The following STAG1 variants were observed in gnomAD, a reference collection of about 807,000 sequenced individuals.
The protein encoded by STAG1 is cohesin subunit SA-1.
Under a neutral mutation model 170.9 loss-of-function variants are expected in STAG1, and 26 were observed. The ratio of observed to expected loss-of-function variants is 0.15; its 90% CI spans 0.11 to 0.21. The LOEUF is 0.21. STAG1 is among the 10% of genes least tolerant of loss of function. The pLI is 1.00. For synonymous variants in STAG1, 514 were observed against 497.7 expected (o/e 1.03, Z -0.44); for missense variants, 964 against 1,509.5 (o/e 0.64, Z 5.99).
intron 9 of STAG1, among the ~76,000 whole-genome samples, chr3:136,488,423 T>A (rs2090059250): frequency 6.6e-6 from 1 of 152,182 alleles, no homozygotes; most frequent in Admixed American, 6.5e-5. Context: ...GCCCCCAGCC[T>A]GAGATAAATA....
chr3:136,621,283 C>T (rs889195846), intron 3 of STAG1, among the ~76,000 whole-genome samples: 1 of 152,180 alleles, frequency 6.6e-6, no homozygotes, highest in African/African-American at 2.4e-5. Context: ...AGTACTTAAT[C>T]TGAATCCTGT....
chr3:136,527,361 A>T (rs1000810205), intron 6 of STAG1, among the ~76,000 whole-genome samples: 1 of 152,084 alleles, frequency 6.6e-6, no homozygotes, highest in Non-Finnish European at 1.5e-5. Flanking sequence ...AATCACCGAT[A>T]CCCTTTCTTC....
intron 16 of STAG1, among the ~76,000 whole-genome samples, chr3:136,425,873 T>C (rs944982273): frequency 6.6e-6 from 1 of 151,544 alleles, no homozygotes; most frequent in African/African-American, 2.4e-5. Context: ...GGATAGCATA[T>C]ACTTTAAAGA....
chr3:136,521,374 T>C lies in STAG1; in HGVS notation c.515A>G (p.Lys172Arg). Residue 172 changes from lysine to arginine, a missense_variant, in exon 7 of 34, where the codon AAA becomes AGA. This residue lies in a region of STAG1 where 40 missense variants were observed against 44.1 expected (regional missense o/e 0.91). Transcript: ENST00000383202. ...YPLTMPGPQW[K>R]KFRSNFCEFI... ...TTCACAAAAGTTTGAACGAAATTTT[T>C]TCCACTGAGGTCCAGGCATGGTAAG... 2 of 1,613,712 alleles carry C rather than the reference T, an allele frequency of 1.2e-6. No homozygotes were observed. The highest frequency in any genetic ancestry group is 2.2e-5 in the South Asian group (2 of 91,060).
intron 15 of STAG1, among the ~76,000 whole-genome samples, chr3:136,435,889 T>C (rs945446315): frequency 2.0e-5 from 3 of 151,818 alleles, no homozygotes; most frequent in Non-Finnish European, 2.9e-5. Context: ...ATGCTGGTCT[T>C]GAACCCCTGA....
chr3:136,376,802 T>A (rs1027094589), intron 23 of STAG1, among the ~76,000 whole-genome samples: 1 of 151,910 alleles, frequency 6.6e-6, no homozygotes, highest in African/African-American at 2.4e-5. Flanking sequence ...TTTTTTTTAA[T>A]CTTTTTTGAG....
At chr3:136,345,618 T>C (rs1260587130) in intron 29 of STAG1, among the ~76,000 whole-genome samples, 3 of 152,140 alleles carry the variant, frequency 2.0e-5, no homozygotes, top group Non-Finnish European at 4.4e-5. Flanking sequence ...TTCTAAATTA[T>C]TCTAATATGA....
rs572107773 is a variant in STAG1 at position 136,656,612 on chromosome 3, T to C, written c.-83-25631A>G. On this transcript the variant is annotated intron_variant, in intron 1 of 33. Transcript: ENST00000383202. ...TACAAATAAACGTGTGCTCTCTGTA[T>C]TTATTTGTGTGTGTGTGTGTGTGTG... Among the ~76,000 whole-genome samples the C allele has an allele frequency of 2.9e-5, 4 of 138,864 alleles. No individual in the cohort carries two copies. The East Asian group carries it at 7.8e-4, about 27-fold the overall frequency. The allele number at this position is 138,864 out of a possible 152,430, so 91.1% of individuals were successfully genotyped here. A position where few individuals can be genotyped will look rare whatever the true frequency, so the allele number is the denominator to read the frequency against.
At chr3:136,648,776 AATC>A (rs1250144160) in intron 1 of STAG1, among the ~76,000 whole-genome samples, 3 of 151,944 alleles carry the variant, frequency 2.0e-5, no homozygotes, top group African/African-American at 7.3e-5. Flanking sequence ...CTTTCTCTCT[AATC>A]TTATACTGTC....
chr3:136,403,917 C>T (rs1005913928), intron 21 of STAG1, among the ~76,000 whole-genome samples: 2 of 152,184 alleles, frequency 1.3e-5, no homozygotes, highest in African/African-American at 4.8e-5. Flanking sequence ...GACTCCACTG[C>T]ATTACCTTAA....
At chr3:136,559,256 G>A (rs1936746600) in intron 5 of STAG1, among the ~76,000 whole-genome samples, 1 of 152,076 alleles carries the variant, frequency 6.6e-6, no homozygotes, top group African/African-American at 2.4e-5. Flanking sequence ...AGCCATATAA[G>A]CACTTGTTAG....
At chr3:136,429,097 A>AT (rs1242807546) in intron 16 of STAG1, among the ~76,000 whole-genome samples, 1 of 152,100 alleles carries the variant, frequency 6.6e-6, no homozygotes, top group Admixed American at 6.6e-5. Flanking sequence ...AGATAGCATC[A>AT]TTGCACTCCA....
intron 7 of STAG1, among the ~76,000 whole-genome samples, chr3:136,509,475 G>A (rs1933942258): frequency 6.6e-6 from 1 of 152,034 alleles, no homozygotes; most frequent in South Asian, 2.1e-4. Flanking sequence ...AGGTATGGGA[G>A]AGATGGTTGT....
Position 136,474,931 on chromosome 3 carries a change from G to A in STAG1, c.1027-1294C>T, listed in dbSNP as rs115336557. Among the ~76,000 whole-genome samples, 535 of 151,956 alleles carry A rather than the reference G, an allele frequency of 3.5e-3. 6 individuals are homozygous for A. The highest frequency in any genetic ancestry group is 0.012 in the African/African-American group (506 of 41,424). On this transcript the variant is annotated intron_variant, in intron 10 of 33. Transcript: ENST00000383202. ...CTCTCCCAACCACTTCCCTTCTCTC[G>A]CCCAGGTTGAGGCCCATAGCCAGTA...
intron 10 of STAG1, among the ~76,000 whole-genome samples, chr3:136,476,594 T>C (rs1163244657): frequency 6.6e-6 from 1 of 152,118 alleles, no homozygotes; most frequent in Non-Finnish European, 1.5e-5. Context: ...TTCTTAACAA[T>C]TAAATAAGGT....
intron 1 of STAG1, chr3:136,736,516 C>T: frequency 1.4e-6 from 2 of 1,432,952 alleles, no homozygotes; most frequent in Non-Finnish European, 2.0e-6. Context: ...TCCATTTTTA[C>T]TTTCGGTGGT....
At chr3:136,682,626 T>C (rs868174038) in intron 1 of STAG1, among the ~76,000 whole-genome samples, 60 of 151,932 alleles carry the variant, frequency 3.9e-4, no homozygotes, top group African/African-American at 1.4e-3. Flanking sequence ...AGAAAAGAAT[T>C]CCATTTACAA....
intron 13 of STAG1, among the ~76,000 whole-genome samples, chr3:136,455,968 A>G (rs544864670): frequency 5.3e-5 from 8 of 152,356 alleles, no homozygotes; most frequent in African/African-American, 1.9e-4. Flanking sequence ...AAATTCCACT[A>G]TAAGTTCTTG....
At chr3:136,445,167 T>C (rs987194466) in intron 14 of STAG1, among the ~76,000 whole-genome samples, 3 of 152,098 alleles carry the variant, frequency 2.0e-5, no homozygotes, top group Non-Finnish European at 2.9e-5. Flanking sequence ...GCACACAACA[T>C]GTCCTGGTGA....
Sources: allele counts gnomAD v4.1 joint callset (sites outside exome capture counted in the v4.1 genomes callset), GRCh38; gene constraint gnomAD v4.1.1; regional missense constraint gnomAD v4.1.1; transcripts MANE v1.5; gene names NCBI Gene and HGNC (gene_info 2026-07-23, HGNC 2026-07-21).